The following MIOS variants were observed in gnomAD, a reference collection of about 807,000 sequenced individuals.
MIOS encodes the protein meiosis regulator for oocyte development.
In MIOS, 52 loss-of-function variants were observed where a neutral mutation model predicts 96.9. The ratio of observed to expected loss-of-function variants is 0.54; its 90% CI spans 0.43 to 0.68. The LOEUF (loss-of-function observed/expected upper bound fraction) is 0.68, where lower values mean the gene tolerates loss of function less well. Among genes scored for constraint, MIOS ranks in the 30% least tolerant of loss-of-function variants. MIOS has a pLI of 0.00. For synonymous variants in MIOS, 397 were observed against 359.5 expected, an observed-to-expected ratio of 1.10 and a Z score of -1.18; for missense variants, 1,005 against 1,052.8, an observed-to-expected ratio of 0.95 and a Z score of 0.63.
intron 9 of MIOS, among the ~76,000 whole-genome samples, chr7:7,591,938 C>A (rs1455644048): frequency 6.6e-6 from 1 of 151,010 alleles, no homozygotes; most frequent in East Asian, 1.9e-4. Flanking sequence ...AGGCTCTATT[C>A]TTCTTCCTTC....
intron 8 of MIOS, among the ~76,000 whole-genome samples, chr7:7,588,972 A>G (rs1022973280): frequency 2.0e-5 from 3 of 152,118 alleles, no homozygotes; most frequent in Admixed American, 6.6e-5. Flanking sequence ...TGCTGGGGAA[A>G]GATGGAGGAA....
At chr7:7,594,912 C>G in intron 9 of MIOS, 68 bp from the exon 10 acceptor site, 16 of 1,121,930 alleles carry the variant, frequency 1.4e-5, no homozygotes, top group Non-Finnish European at 1.8e-5. Context: ...TACTTACATG[C>G]TACCCAGAAG....
rs146092522 is a variant in MIOS at position 7,593,611 on chromosome 7, C to T, written c.2044-1369C>T. Among the ~76,000 whole-genome samples, 29 of 151,928 alleles carry T rather than the reference C, an allele frequency of 1.9e-4. No individual in the cohort carries two copies. In the East Asian group the frequency reaches 4.5e-3, roughly 23 times the overall value. ...GAAAGTCTTCTAAGAAAACCTAAAGCGGCCGGGCACGGTGACTCATGCGTG... is the reference window on the plus strand; with the variant it reads ...GAAAGTCTTCTAAGAAAACCTAAAGTGGCCGGGCACGGTGACTCATGCGTG... On this transcript the variant is annotated intron_variant, in intron 9 of 12. Transcript: ENST00000340080.
chr7:7,588,607 C>A, intron 8 of MIOS, 44 bp downstream of exon 8: 4 of 1,265,732 alleles, frequency 3.2e-6, no homozygotes, highest in Non-Finnish European at 3.3e-6. Flanking sequence ...TTAATATGTA[C>A]TGTCACAATT....
chr7:7,574,067 C>T (rs780677870), intron 4 of MIOS, 31 bp from the exon 5 acceptor site: 3 of 1,438,614 alleles, frequency 2.1e-6, no homozygotes, highest in South Asian at 1.2e-5. Flanking sequence ...TATTGTCATG[C>T]ATCACTAGTA....
intron 6 of MIOS, among the ~76,000 whole-genome samples, chr7:7,585,038 A>G (rs988219914): frequency 1.6e-4 from 24 of 152,282 alleles, no homozygotes; most frequent in African/African-American, 5.1e-4. Context: ...TTGCATTGAC[A>G]CTTATATACA....
At chr7:7,603,538 C>T (rs1032323339) in intron 11 of MIOS, among the ~76,000 whole-genome samples, 28 of 152,204 alleles carry the variant, frequency 1.8e-4, no homozygotes, top group East Asian at 1.9e-4. Context: ...GTTAGAATGG[C>T]GATCATTAAA....
At chr7:7,580,929 C>T (rs1385207944) in intron 5 of MIOS, among the ~76,000 whole-genome samples, 8 of 150,020 alleles carry the variant, frequency 5.3e-5, no homozygotes, top group African/African-American at 9.7e-5. Flanking sequence ...TCAGGTGATC[C>T]GCCCACCTCG....
At position 7,595,152 on chromosome 7, in the gene MIOS, G is replaced by A. The variant is rs772274487; in HGVS notation, c.2196+20G>A. ...GCACAAGTAAGTACATTGTTTTGGA[G>A]AAAATCAAATTGTAACATGTTGATG... On this transcript the variant is annotated intron_variant, in intron 10 of 12. Coordinates refer to ENST00000340080, the MANE Select transcript of MIOS (RefSeq NM_019005.4). 23 of 1,594,998 alleles carry A rather than the reference G, an allele frequency of 1.4e-5. No individual in the cohort carries two copies. In the East Asian group the frequency reaches 5.1e-4, roughly 36 times the overall value.
At chr7:7,577,393 A>G (rs1351715868) in intron 5 of MIOS, among the ~76,000 whole-genome samples, 4 of 152,230 alleles carry the variant, frequency 2.6e-5, no homozygotes, top group African/African-American at 4.8e-5. Context: ...GAGGAAATGA[A>G]GTAATCAATT....
In MIOS at chr7:7,572,524, A is replaced by G; in HGVS notation, c.49A>G (p.Arg17Gly). 2 of 1,614,062 alleles carry G rather than the reference A, an allele frequency of 1.2e-6. No homozygotes were observed. Among genetic ancestry groups the G allele is most frequent in the South Asian group, 2.2e-5 (2 of 91,076 alleles). The change falls in exon 4 of 13, where the codon AGA becomes GGA. Residue 17 changes from arginine (R) to glycine (G), a missense_variant. This residue lies in a region of MIOS where 137 missense variants were observed against 148.6 expected (regional missense o/e 0.92). Coordinates refer to ENST00000340080, the MANE Select transcript of MIOS (RefSeq NM_019005.4). This position sits in a 1 kb window ranked among gnomAD's most constrained non-coding sequence, Gnocchi z 4.8. Reference protein sequence around the residue: ...DILWAPHHVDRFVVCDSELSL... With the variant: ...DILWAPHHVDGFVVCDSELSL... The stretch of plus-strand genomic sequence containing the variant: ...TTTATGGGCACCACACCATGTTGAT[A>G]GATTTGTTGTGTGTGACTCAGAACT...
At chr7:7,570,414 C>T (rs1370018272) in intron 3 of MIOS, among the ~76,000 whole-genome samples, 1 of 152,000 alleles carries the variant, frequency 6.6e-6, no homozygotes, top group African/African-American at 2.4e-5. Context: ...AATCAGTGGT[C>T]CCCAACCTTT....
At chr7:7,593,466 G>A (rs17464585) in intron 9 of MIOS, among the ~76,000 whole-genome samples, 2,674 of 151,726 alleles carry the variant, frequency 0.018, 51 homozygotes, top group African/African-American at 0.04. Context: ...CTTTTCTATT[G>A]GCCCTCAAGT....
Position 7,591,238 on chromosome 7 carries a change from A to G in MIOS, c.2043+1675A>G, listed in dbSNP as rs541859829. Among the ~76,000 whole-genome samples the G allele has an allele frequency of 1.1e-4, 17 of 149,312 alleles. No homozygotes were observed. In the South Asian group the frequency reaches 3.4e-3, roughly 30 times the overall value. ...TGTCTTCTGGCCTCTGTTGTTTCTG[A>G]TGAGAATCAGCTGTTCTTATGCTTG... On this transcript the variant is annotated intron_variant, in intron 9 of 12. Transcript: ENST00000340080.
intron 11 of MIOS, among the ~76,000 whole-genome samples, chr7:7,597,493 TATATATA>T (rs1784243879): frequency 3.2e-5 from 2 of 62,848 alleles, no homozygotes; most frequent in Non-Finnish European, 6.4e-5. Context: ...TATATATATA[TATATATA>T]TATATATATA....
chr7:7,605,109 C>G (rs753619196), intron 11 of MIOS: 3 of 152,064 alleles, frequency 2.0e-5, no homozygotes, highest in Non-Finnish European at 4.4e-5. Context: ...CTGCAATGGT[C>G]CAAGCAAAAT....
At chr7:7,597,537 T>C (rs1330707097) in intron 11 of MIOS, among the ~76,000 whole-genome samples, 2 of 119,722 alleles carry the variant, frequency 1.7e-5, no homozygotes, top group Non-Finnish European at 3.5e-5. Flanking sequence ...ACGTAATGTT[T>C]TAAATGTACA....
intron 9 of MIOS, among the ~76,000 whole-genome samples, chr7:7,593,978 T>C (rs1433462829): frequency 6.6e-6 from 1 of 151,916 alleles, no homozygotes; most frequent in African/African-American, 2.4e-5. Flanking sequence ...AATACAACTT[T>C]AGGAAAATTA....
At chr7:7,593,606 T>G (rs1784110299) in intron 9 of MIOS, among the ~76,000 whole-genome samples, 1 of 151,864 alleles carries the variant, frequency 6.6e-6, no homozygotes, top group South Asian at 2.1e-4. Flanking sequence ...TAAGAAAACC[T>G]AAAGCGGCCG....
Sources: gnomAD v4.1 joint callset for allele counts (sites outside exome capture counted in the v4.1 genomes callset) on GRCh38, gnomAD v4.1.1 for gene constraint, gnomAD v4.1.1 regional missense constraint, Gnocchi (gnomAD v3.1) non-coding constraint, MANE v1.5 for transcripts, NCBI Gene and HGNC (gene_info 2026-07-23, HGNC 2026-07-21) for gene names.